IL1RAPL1: variants seen among roughly 807,000 people sequenced by gnomAD.
IL1RAPL1 encodes the protein interleukin 1 receptor accessory protein like 1.
Under a neutral mutation model 48.4 loss-of-function variants are expected in IL1RAPL1, and 3 were observed. The ratio of observed to expected loss-of-function variants is 0.06; its 90% CI spans 0.03 to 0.16. IL1RAPL1 has a LOEUF of 0.16. Among genes scored for constraint, IL1RAPL1 ranks in the 10% least tolerant of loss-of-function variants. The pLI is 1.00. For synonymous variants in IL1RAPL1, 185 were observed against 187.7 expected (o/e 0.99, Z 0.12); for missense variants, 349 against 530.6 (o/e 0.66, Z 3.36).
intron 1 of IL1RAPL1, among the ~76,000 whole-genome samples, chrX:28,774,276 A>C (rs1936338923): frequency 9.0e-6 from 1 of 111,528 alleles, no homozygotes; most frequent in Admixed American, 9.6e-5. Flanking sequence ...CATCTGTATT[A>C]GTTATCTATT....
rs1269216787 is a variant in IL1RAPL1 at position 28,830,237 on chromosome X, G to T, written c.82+40812G>T. Among the ~76,000 whole-genome samples, 3 of 111,763 alleles carry T rather than the reference G, an allele frequency of 2.7e-5. No individual in the cohort carries two copies. In the East Asian group the frequency reaches 8.4e-4, roughly 31 times the overall value. On this transcript the variant is annotated intron_variant, in intron 2 of 10. Coordinates refer to ENST00000378993, the MANE Select transcript of IL1RAPL1 (RefSeq NM_014271.4). Reference sequence around the variant, plus strand: ...ATGTTAATTCTTTTTTAAATGCTTGGTAGAATAGACCAGTGAGGTGTGGGA... The same window carrying T: ...ATGTTAATTCTTTTTTAAATGCTTGTTAGAATAGACCAGTGAGGTGTGGGA...
chrX:28,771,954 A>AAAAAAG (rs1936313474), intron 1 of IL1RAPL1, among the ~76,000 whole-genome samples: 1 of 108,946 alleles, frequency 9.2e-6, no homozygotes, highest in Admixed American at 9.7e-5. Context: ...AAAAAAAAAA[A>AAAAAAG]AAAAAGAAAA....
intron 1 of IL1RAPL1, among the ~76,000 whole-genome samples, chrX:28,603,706 G>T (rs1312576656): frequency 8.9e-6 from 1 of 111,975 alleles, no homozygotes; most frequent in African/African-American, 3.2e-5. Context: ...AGAAAAGAAA[G>T]AAGAATCTCC....
intron 6 of IL1RAPL1, among the ~76,000 whole-genome samples, chrX:29,705,148 A>G (rs1357187428): frequency 8.9e-6 from 1 of 112,154 alleles, no homozygotes; most frequent in Non-Finnish European, 1.9e-5. Flanking sequence ...GTAAAGAATG[A>G]TAGAACTGTA....
intron 6 of IL1RAPL1, among the ~76,000 whole-genome samples, chrX:29,818,219 T>A (rs1371935306): frequency 8.9e-6 from 1 of 112,416 alleles, no homozygotes; most frequent in Non-Finnish European, 1.9e-5. Flanking sequence ...GTCATCATCA[T>A]TGAACAGTGG....
chrX:29,618,643 C>T (rs889753099), intron 5 of IL1RAPL1, among the ~76,000 whole-genome samples: 18 of 111,866 alleles, frequency 1.6e-4, no homozygotes, highest in African/African-American at 4.5e-4. Flanking sequence ...TCTTTGCCTC[C>T]GTCTTAGGAG....
At chrX:28,606,838 G>A (rs749455756) in intron 1 of IL1RAPL1, among the ~76,000 whole-genome samples, 25 of 110,854 alleles carry the variant, frequency 2.3e-4, no homozygotes, top group Non-Finnish European at 4.2e-4. Flanking sequence ...ATGACAACTT[G>A]GAGAGTTCAA....
At position 28,801,688 on chromosome X, in the gene IL1RAPL1, G is replaced by A. The variant is rs751921862; in HGVS notation, c.82+12263G>A. ...TGGTGCAAAAGTAATTGCAATTTTT[G>A]CCATTACTTTCAATGGCAAAAACCG... On this transcript the variant is annotated intron_variant, in intron 2 of 10. Coordinates refer to ENST00000378993, the MANE Select transcript of IL1RAPL1 (RefSeq NM_014271.4). Among the ~76,000 whole-genome samples the A allele has an allele frequency of 2.6e-3, 287 of 111,002 alleles. 1 individual carries two copies. The highest frequency in any genetic ancestry group is 4.5e-3 in the Non-Finnish European group (239 of 52,908).
intron 5 of IL1RAPL1, among the ~76,000 whole-genome samples, chrX:29,494,069 ATT>A (rs1429718566): frequency 2.0e-5 from 2 of 98,436 alleles, no homozygotes; most frequent in African/African-American, 3.7e-5. Flanking sequence ...TACTTTTTGT[ATT>A]TTTTTTTTTT....
chrX:29,295,781 G>A (rs952575543), intron 3 of IL1RAPL1, among the ~76,000 whole-genome samples: 1 of 111,226 alleles, frequency 9.0e-6, no homozygotes, highest in Non-Finnish European at 1.9e-5. Context: ...TTACAAGCTC[G>A]AAGGTGTAGA....
At chrX:28,641,831 G>GT (rs1175377682) in intron 1 of IL1RAPL1, among the ~76,000 whole-genome samples, 2 of 110,452 alleles carry the variant, frequency 1.8e-5, no homozygotes, top group African/African-American at 3.3e-5. Flanking sequence ...GATGATGAGT[G>GT]TTTTTTTTCA....
At chrX:29,094,274 A>G (rs1344315210) in intron 2 of IL1RAPL1, among the ~76,000 whole-genome samples, 1 of 111,464 alleles carries the variant, frequency 9.0e-6, no homozygotes, top group African/African-American at 3.3e-5. Flanking sequence ...TTTTGTGTAT[A>G]TATGCCCATT....
At chrX:28,951,682 C>T (rs1205078337) in intron 2 of IL1RAPL1, among the ~76,000 whole-genome samples, 1 of 111,089 alleles carries the variant, frequency 9.0e-6, no homozygotes, top group Non-Finnish European at 1.9e-5. Context: ...TTATCATTTA[C>T]AGCCCCAATT....
rs12848243 is a variant in IL1RAPL1 at position 29,926,031 on chromosome X, C to T, written c.1057+5937C>T. Among the ~76,000 whole-genome samples the T allele has an allele frequency of 2.0e-4, 21 of 105,631 alleles. 1 individual carries two copies. In the South Asian group the frequency reaches 7.8e-3, roughly 39 times the overall value. The allele number at this position is 105,631 out of a possible 115,157, so 91.7% of individuals were successfully genotyped here. A position where few individuals can be genotyped will look rare whatever the true frequency, so the allele number is the denominator to read the frequency against. On this transcript the variant is annotated intron_variant, in intron 8 of 10. Coordinates refer to ENST00000378993, the MANE Select transcript of IL1RAPL1 (RefSeq NM_014271.4). ...TGAAGGCTTTTTTTTTTTTTTGAGA[C>T]GGAGTCTCGCTCTATCGCACAGGCT... is the stretch of plus-strand genomic sequence containing the variant.
chrX:29,366,553 A>ATT (rs34164964), intron 3 of IL1RAPL1, among the ~76,000 whole-genome samples: 899 of 37,274 alleles, frequency 0.024, 113 homozygotes, highest in East Asian at 0.037. Context: ...TGATAGGTCA[A>ATT]TTTTTTTTTT....
chrX:28,711,618 A>G (rs998134166), intron 1 of IL1RAPL1, among the ~76,000 whole-genome samples: 1 of 109,828 alleles, frequency 9.1e-6, no homozygotes, highest in South Asian at 3.9e-4. Context: ...GGGGACTAAT[A>G]CCAGTCTGGA....
At chrX:29,200,965 C>A (rs1276457343) in intron 2 of IL1RAPL1, among the ~76,000 whole-genome samples, 1 of 111,045 alleles carries the variant, frequency 9.0e-6, no homozygotes, top group Admixed American at 9.6e-5. Context: ...TTTTCCTGAT[C>A]CTCTCTCTCC....
At chrX:29,195,019 G>T (rs2147529710) in intron 2 of IL1RAPL1, among the ~76,000 whole-genome samples, 1 of 111,796 alleles carries the variant, frequency 8.9e-6, no homozygotes, top group Admixed American at 9.6e-5. Context: ...ATGAATTTCA[G>T]TTCTGGTCCT....
intron 2 of IL1RAPL1, among the ~76,000 whole-genome samples, chrX:28,931,847 C>T (rs1923889708): frequency 9.2e-6 from 1 of 108,964 alleles, no homozygotes; most frequent in Non-Finnish European, 1.9e-5. Context: ...ACCATCCTTG[C>T]TAACGTGGTG....
Sources: allele counts gnomAD v4.1 joint callset (sites outside exome capture counted in the v4.1 genomes callset), GRCh38; gene constraint gnomAD v4.1.1; transcripts MANE v1.5; gene names NCBI Gene and HGNC (gene_info 2026-07-23, HGNC 2026-07-21).